PIWIL3: variants seen among roughly 807,000 people sequenced by gnomAD.
PIWIL3 encodes the protein piwi-like protein 3.
In PIWIL3, 101 loss-of-function variants were observed where a neutral mutation model predicts 109.7. That is an observed-to-expected ratio of 0.92 (90% confidence interval 0.78 to 1.09). The LOEUF (loss-of-function observed/expected upper bound fraction) is 1.09, where lower values mean the gene tolerates loss of function less well. PIWIL3 is among the 50% of genes least tolerant of loss of function. The probability of loss-of-function intolerance (pLI) is 0.00; values close to 1 mark genes in which losing one functional copy is unlikely to be tolerated. For synonymous variants in PIWIL3, 373 were observed against 376.4 expected, an observed-to-expected ratio of 0.99 and a Z score of 0.10; for missense variants, 1,031 against 1,072.6, an observed-to-expected ratio of 0.96 and a Z score of 0.54.
intron 12 of PIWIL3, among the ~76,000 whole-genome samples, chr22:24,743,851 A>G (rs923509011): frequency 4.6e-5 from 7 of 152,264 alleles, no homozygotes; most frequent in African/African-American, 1.7e-4. Context: ...TTAAAAAGCA[A>G]ACGACAAATT....
At chr22:24,771,773 G>A (rs1046378492) in intron 1 of PIWIL3, among the ~76,000 whole-genome samples, 1 of 149,644 alleles carries the variant, frequency 6.7e-6, no homozygotes, top group Non-Finnish European at 1.5e-5. Context: ...TTGCCCTGTC[G>A]CCCAGGCTGG....
chr22:24,759,145 G>A (rs181857045), intron 3 of PIWIL3, among the ~76,000 whole-genome samples: 11 of 152,194 alleles, frequency 7.2e-5, no homozygotes, highest in Admixed American at 3.3e-4. Context: ...CCACCCACCC[G>A]GGCCTCCCAA....
intron 14 of PIWIL3, among the ~76,000 whole-genome samples, chr22:24,731,991 CT>C (rs1293743694): frequency 1.3e-5 from 2 of 152,144 alleles, no homozygotes; most frequent in Non-Finnish European, 2.9e-5. Context: ...CTCATCATGA[CT>C]CATTTAAAAT....
chr22:24,756,688 C>T lies in PIWIL3; in HGVS notation c.373G>A (p.Val125Ile). 1 of 1,613,510 alleles carries T rather than the reference C, an allele frequency of 6.2e-7. No homozygotes were observed. The highest frequency in any genetic ancestry group is 8.5e-7 in the Non-Finnish European group (1 of 1,179,680). ...CGGAAGTGGTTGGCGAGTAGCTGTA[C>T]CACTGTACCCTCTGAACCTGAAAAA... is the stretch of plus-strand genomic sequence containing the variant. ...DSKTGSEGTVVQLLANHFRVI... is the reference protein window; with the variant it reads ...DSKTGSEGTVIQLLANHFRVI... The change falls in exon 5 of 21, where the codon GTA becomes ATA. Residue 125 changes from valine to isoleucine, a missense_variant. Val to Ile is a conservative substitution (Grantham distance 29). Coordinates refer to ENST00000616349, the MANE Select transcript of PIWIL3 (RefSeq NM_001255975.1).
At chr22:24,762,367 T>G (rs1925487350) in intron 2 of PIWIL3, 31 bp downstream of exon 2, 2 of 1,598,576 alleles carry the variant, frequency 1.3e-6, no homozygotes, top group Non-Finnish European at 8.5e-7. Context: ...ACATATCTCT[T>G]GCAGAAAGGA....
rs1338582659 is a variant in PIWIL3, at chr22:24,735,837, A to T, written c.1505T>A (p.Leu502His). 1 of 1,613,048 alleles carries T rather than the reference A, an allele frequency of 6.2e-7. No individual in the cohort carries two copies. Among genetic ancestry groups the T allele is most frequent in the African/African-American group, 1.3e-5 (1 of 75,008 alleles). ...WSREIRELPL[L>H]NAMPLHSWLI... ...CCAACTATGTAGTGGCATTGCATTA[A>T]GTAAGGGTAATTCTCTTATTTCTCT... Residue 502 changes from leucine to histidine, a missense_variant, in exon 13 of 21, where the codon CTT becomes CAT. By Grantham distance (99) the Leu-to-His change is moderately conservative (BLOSUM62 -3). Transcript: ENST00000616349.
chr22:24,725,346 A>T (rs1464136027), intron 17 of PIWIL3, 99 bp downstream of exon 17: 43 of 1,442,308 alleles, frequency 3.0e-5, no homozygotes, highest in Non-Finnish European at 4.1e-5. Flanking sequence ...CAAAAACTAA[A>T]GGTTCAGTCA....
At chr22:24,769,820 T>A (rs1051295887) in intron 1 of PIWIL3, 2 of 149,284 alleles carry the variant, frequency 1.3e-5, no homozygotes, top group African/African-American at 2.5e-5. Flanking sequence ...ATAATAATAA[T>A]AAATACACCA....
At chr22:24,757,361 C>T (rs1024925081) in intron 4 of PIWIL3, among the ~76,000 whole-genome samples, 1 of 152,166 alleles carries the variant, frequency 6.6e-6, no homozygotes, top group African/African-American at 2.4e-5. Flanking sequence ...CCTATAATCC[C>T]AGCCCTTTGG....
intron 3 of PIWIL3, among the ~76,000 whole-genome samples, chr22:24,758,472 GGA>G (rs1925222551): frequency 6.6e-6 from 1 of 152,178 alleles, no homozygotes; most frequent in African/African-American, 2.4e-5. Context: ...AACTAGGAAA[GGA>G]TCACACTCAC....
intron 12 of PIWIL3, among the ~76,000 whole-genome samples, chr22:24,739,682 T>G (rs1923865994): frequency 1.3e-5 from 2 of 151,770 alleles, no homozygotes; most frequent in African/African-American, 2.4e-5. Flanking sequence ...TACAAAGAAA[T>G]GCTAAAAGGG....
At chr22:24,734,182 T>G in intron 13 of PIWIL3, 26 bp from the exon 14 acceptor site, 1 of 1,604,254 alleles carries the variant, frequency 6.2e-7, no homozygotes, top group Non-Finnish European at 8.5e-7. Flanking sequence ...AGCATCCACA[T>G]CCAAAAGATA....
In PIWIL3 at chr22:24,725,480, TCTC is replaced by T. The variant is rs1414109571; in HGVS notation, c.2042_2044del (p.Gly681del). 3 of 1,614,074 alleles carry T rather than the reference TCTC, an allele frequency of 1.9e-6. No individual in the cohort carries two copies. The highest frequency in any genetic ancestry group is 2.2e-5 in the South Asian group (2 of 91,088). ...GATCTCCAGCTCTTTCACAAGCTCT[TCTC>T]CTGTTTTCTGGATGACACATTGAGA... is the stretch of plus-strand genomic sequence containing the variant. On this transcript the variant is annotated inframe_deletion, in exon 17 of 21. Transcript: ENST00000616349.
At chr22:24,765,744 C>T (rs1925747889) in intron 1 of PIWIL3, among the ~76,000 whole-genome samples, 1 of 150,748 alleles carries the variant, frequency 6.6e-6, no homozygotes, top group South Asian at 2.1e-4. Context: ...ATAAAAAGTT[C>T]CACAGGTCAA....
At chr22:24,730,529 A>C (rs1474762425) in intron 14 of PIWIL3, among the ~76,000 whole-genome samples, 1 of 152,182 alleles carries the variant, frequency 6.6e-6, no homozygotes, top group Non-Finnish European at 1.5e-5. Context: ...CATGAATTAC[A>C]ATCATATGCA....
At chr22:24,731,037 A>G (rs943590131) in intron 14 of PIWIL3, among the ~76,000 whole-genome samples, 2 of 152,220 alleles carry the variant, frequency 1.3e-5, no homozygotes, top group Non-Finnish European at 2.9e-5. Context: ...GTGCCCTTAT[A>G]CAAAGGCTGG....
At chr22:24,726,905 G>A (rs1287553425) in intron 16 of PIWIL3, among the ~76,000 whole-genome samples, 1 of 152,206 alleles carries the variant, frequency 6.6e-6, no homozygotes, top group African/African-American at 2.4e-5. Context: ...CAAGTAATGT[G>A]CAAAGAGGAC....
intron 19 of PIWIL3, among the ~76,000 whole-genome samples, chr22:24,722,441 G>T (rs112058388): frequency 4.8e-4 from 73 of 152,158 alleles, no homozygotes; most frequent in African/African-American, 1.7e-3. Flanking sequence ...GGCTGGACAT[G>T]GTGGCTCACA....
intron 2 of PIWIL3, among the ~76,000 whole-genome samples, chr22:24,760,780 C>CAA (rs61469163): frequency 0.011 from 449 of 40,342 alleles, 16 homozygotes; most frequent in African/African-American, 0.018. Flanking sequence ...AACTCTGTCT[C>CAA]AAAAAAAAAA....
Sources: allele counts gnomAD v4.1 joint callset (sites outside exome capture counted in the v4.1 genomes callset), GRCh38; gene constraint gnomAD v4.1.1; transcripts MANE v1.5; gene names NCBI Gene and HGNC (gene_info 2026-07-23, HGNC 2026-07-21).